Variants in SHQ1 observed in about 807,000 individuals in gnomAD.
The protein encoded by SHQ1 is SHQ1, H/ACA ribonucleoprotein assembly factor.
Under a neutral mutation model 53.8 loss-of-function variants are expected in SHQ1, and 49 were observed. The observed-to-expected ratio is 0.91, with a 90% CI of 0.72 to 1.16. The LOEUF is 1.16. Ranked by LOEUF, SHQ1 falls within the 50% of genes most tolerant of loss-of-function variation. The pLI, the probability that SHQ1 is intolerant of heterozygous loss-of-function variation, is 0.00. For synonymous variants in SHQ1, 243 were observed against 251.0 expected, an observed-to-expected ratio of 0.97 and a Z score of 0.30; for missense variants, 738 against 683.1, an observed-to-expected ratio of 1.08 and a Z score of -0.90.
At chr3:72,730,504 G>C in the SHQ1 span, among the ~76,000 whole-genome samples, 1 of 152,180 alleles carries the variant, frequency 6.6e-6, no homozygotes, top group Non-Finnish European at 1.5e-5. Context: ...GCTTCTAAAA[G>C]GAACCAGAGC....
chr3:72,817,506 C>G (rs1388264423), intron 6 of SHQ1, 122 bp from the exon 7 acceptor site: 1 of 895,050 alleles, frequency 1.1e-6, no homozygotes, highest in Non-Finnish European at 1.7e-6. Context: ...TTCTACTTAA[C>G]TATGGATATA....
At chr3:72,778,572 C>T (rs959473735) in intron 10 of SHQ1, among the ~76,000 whole-genome samples, 1 of 152,142 alleles carries the variant, frequency 6.6e-6, no homozygotes, top group Admixed American at 6.5e-5. Context: ...AATTTGTATA[C>T]ACTTCAAATA....
intron 6 of SHQ1, among the ~76,000 whole-genome samples, chr3:72,820,569 T>C (rs1020469029): frequency 1.3e-5 from 2 of 152,144 alleles, no homozygotes; most frequent in African/African-American, 4.8e-5. Context: ...AAAGGGGAAC[T>C]TGGGGGAAGT....
intron 1 of SHQ1, 43 bp from the exon 2 acceptor site, chr3:72,844,466 C>G: frequency 6.7e-7 from 1 of 1,499,636 alleles, no homozygotes; most frequent in Non-Finnish European, 9.3e-7. Flanking sequence ...TAAATTATAA[C>G]GTAACATAAG....
intron 5 of SHQ1, among the ~76,000 whole-genome samples, chr3:72,827,470 A>G (rs537015017): frequency 1.7e-3 from 258 of 152,172 alleles, no homozygotes; most frequent in African/African-American, 6.0e-3. Context: ...TTCCTCCCCA[A>G]GGGACCATGA....
intron 1 of SHQ1, among the ~76,000 whole-genome samples, chr3:72,847,571 T>C (rs1708383055): frequency 6.6e-6 from 1 of 151,692 alleles, no homozygotes; most frequent in East Asian, 1.9e-4. Flanking sequence ...GAGAATAATT[T>C]AAACAGATCA....
rs770829942 is a variant in SHQ1 at position 72,824,383 on chromosome 3, A to AT, written c.727+40dup. 15 of 1,607,394 alleles carry AT rather than the reference A, an allele frequency of 9.3e-6. No individual in the cohort carries two copies. In the Admixed American group the frequency reaches 2.4e-4, roughly 25 times the overall value. On this transcript the variant is annotated intron_variant, in intron 6 of 10. Coordinates refer to ENST00000325599, the MANE Select transcript of SHQ1 (RefSeq NM_018130.3). ...GGCAGTAAACGTGGTACACCATGAG[A>AT]TTTTAAAATGAAACAAATTAGCCGA...
chr3:72,832,357 C>T lies in SHQ1; in HGVS notation c.599+12G>A. On this transcript the variant is annotated intron_variant, in intron 5 of 10. Coordinates refer to ENST00000325599, the MANE Select transcript of SHQ1 (RefSeq NM_018130.3). Reference sequence around the variant, plus strand: ...AGTAAATTATTTAATCCTCAAAAATCTCATTACTCACAGATAATGATCAGG... The same window carrying T: ...AGTAAATTATTTAATCCTCAAAAATTTCATTACTCACAGATAATGATCAGG... 1.9e-6 allele frequency: 3 copies of T among 1,572,568 alleles called. No individual in the cohort carries two copies. Among genetic ancestry groups the T allele is most frequent in the Non-Finnish European group, 2.6e-6 (3 of 1,145,496 alleles).
intron 10 of SHQ1, chr3:72,773,005 T>C: frequency 1.7e-6 from 2 of 1,175,582 alleles, no homozygotes; most frequent in Non-Finnish European, 2.5e-6. Flanking sequence ...AAGTTCCAAA[T>C]CTGAAGAACA....
intron 9 of SHQ1, among the ~76,000 whole-genome samples, chr3:72,802,950 T>A (rs1040939267): frequency 2.6e-5 from 4 of 152,202 alleles, no homozygotes; most frequent in Admixed American, 1.3e-4. Context: ...GCGGGACATC[T>A]CTTACCTCCT....
intron 10 of SHQ1, chr3:72,752,985 A>G (rs1034382386): frequency 5.2e-5 from 51 of 985,370 alleles, no homozygotes; most frequent in Middle Eastern, 5.2e-4. Flanking sequence ...CCTCTAAATT[A>G]CCTGCTAGAT....
intron 7 of SHQ1, among the ~76,000 whole-genome samples, chr3:72,816,703 A>C (rs1012889609): frequency 6.6e-6 from 1 of 152,140 alleles, no homozygotes; most frequent in Non-Finnish European, 1.5e-5. Context: ...TAGCAAAAAA[A>C]GATATAATTC....
At position 72,845,401 on chromosome 3, in the gene SHQ1, T is replaced by C. The variant is rs1708298758; in HGVS notation, c.144-978A>G. On this transcript the variant is annotated intron_variant, in intron 1 of 10. Transcript: ENST00000325599. ...AGGAGGCTGAGGCAGAAGAATCACT[T>C]GAACCCAGGAAGGGGAGGTTGCAGT... Among the ~76,000 whole-genome samples, 3 of 151,672 alleles carry C rather than the reference T, an allele frequency of 2.0e-5. No individual in the cohort carries two copies. In the South Asian group the frequency reaches 6.2e-4, roughly 32 times the overall value.
intron 7 of SHQ1, among the ~76,000 whole-genome samples, chr3:72,816,727 T>C (rs935155016): frequency 6.6e-6 from 1 of 152,206 alleles, no homozygotes; most frequent in African/African-American, 2.4e-5. Flanking sequence ...TTTTAAAAAA[T>C]CTGATTTACA....
intron 1 of SHQ1, among the ~76,000 whole-genome samples, chr3:72,845,369 G>A (rs1708297969): frequency 6.6e-6 from 1 of 151,944 alleles, no homozygotes. Context: ...TGTAACCCCA[G>A]CCAGTCAGGA....
At chr3:72,745,759 G>T (rs1329314175), downstream of SHQ1, among the ~76,000 whole-genome samples, 2 of 151,990 alleles carry the variant, frequency 1.3e-5, no homozygotes, top group East Asian at 3.9e-4. Flanking sequence ...TCCTAGCACT[G>T]GAAGGCCAGC....
At chr3:72,736,919 G>C in the SHQ1 span, among the ~76,000 whole-genome samples, 1 of 151,794 alleles carries the variant, frequency 6.6e-6, no homozygotes, top group African/African-American at 2.4e-5. Flanking sequence ...TCCACTTTCC[G>C]AAGTGCAAAA....
rs1575748965 is a variant in SHQ1 at position 72,848,362 on chromosome 3, C to T, written c.-22G>A. ...GCATCGCCGCACCGGACGCAAGGGC[C>T]GGCGCCGCTCGCTCTCACTGCCGCC... On this transcript the variant is annotated 5_prime_UTR_variant, in exon 1 of 11. Transcript: ENST00000325599. 6.2e-7 allele frequency: 1 copy of T among 1,611,824 alleles called. No homozygotes were observed. Among genetic ancestry groups the T allele is most frequent in the African/African-American group, 1.3e-5 (1 of 74,952 alleles).
At chr3:72,741,085 G>A in the SHQ1 span, among the ~76,000 whole-genome samples, 1 of 152,190 alleles carries the variant, frequency 6.6e-6, no homozygotes, top group Non-Finnish European at 1.5e-5. Context: ...AGGGGACTGA[G>A]TATTGGTACT....
Sources: allele counts gnomAD v4.1 joint callset (sites outside exome capture counted in the v4.1 genomes callset), GRCh38; gene constraint gnomAD v4.1.1; transcripts MANE v1.5; gene names NCBI Gene and HGNC (gene_info 2026-07-23, HGNC 2026-07-21).